Variants in NAV2 observed in about 807,000 individuals in gnomAD.
The protein encoded by NAV2 is helicase, APC down-regulated 1.
In NAV2, 54 loss-of-function variants were observed where a neutral mutation model predicts 223.2. That is an observed-to-expected ratio of 0.24 (90% CI 0.19 to 0.30). The LOEUF (loss-of-function observed/expected upper bound fraction) is 0.30. Among genes scored for constraint, NAV2 ranks in the 10% least tolerant of loss-of-function variants. The probability of loss-of-function intolerance (pLI) is 1.00; values close to 1 mark genes in which losing one functional copy is unlikely to be tolerated. For missense variants in NAV2, 2,806 were observed against 3,147.5 expected (o/e 0.89, Z 2.60); for synonymous variants, 1,279 against 1,239.3 (o/e 1.03, Z -0.67).
At chr11:19,541,577 T>G (rs902290355) in intron 1 of NAV2, among the ~76,000 whole-genome samples, 3 of 152,162 alleles carry the variant, frequency 2.0e-5, no homozygotes, top group African/African-American at 7.2e-5. Flanking sequence ...GTGCCTGTGG[T>G]CTCCTCCTCC....
At chr11:19,666,289 C>CAT in intron 1 of NAV2, among the ~76,000 whole-genome samples, 1 of 152,214 alleles carries the variant, frequency 6.6e-6, no homozygotes. Flanking sequence ...GGGCCCAACA[C>CAT]ATATAATGGA....
chr11:19,668,532 CAA>C (rs762975832), intron 1 of NAV2, among the ~76,000 whole-genome samples: 12 of 64,896 alleles, frequency 1.8e-4, no homozygotes, highest in Admixed American at 1.2e-3. Context: ...GACTCGGTCT[CAA>C]AAAAAAAAAA....
At chr11:19,712,044 G>A (rs1442773272), upstream of NAV2, 1 of 152,222 alleles carries the variant, frequency 6.6e-6, no homozygotes, top group Non-Finnish European at 1.5e-5. Context: ...AGTCAGCGAG[G>A]AAACCACAGA....
At chr11:19,666,765 C>A (rs766285798) in intron 1 of NAV2, among the ~76,000 whole-genome samples, 2 of 152,154 alleles carry the variant, frequency 1.3e-5, no homozygotes, top group African/African-American at 2.4e-5. Context: ...TCCACCTTCA[C>A]GTTTATCTAG....
chr11:20,035,998 C>T lies in NAV2; in HGVS notation c.2808C>T (p.Asp936=). 6.2e-7 allele frequency: 1 copy of T among 1,614,188 alleles called. No individual in the cohort carries two copies. The highest frequency in any genetic ancestry group is 2.2e-5 in the East Asian group (1 of 44,878). Residue 936 remains aspartate, a synonymous_variant, in exon 12 of 38, where the codon GAC becomes GAT. Coordinates refer to ENST00000349880, the MANE Select transcript of NAV2 (RefSeq NM_145117.5). ...GCTCCGTCAGCAGCGGCATCAGCGA[C>T]ACCATAGACAACCTCAGCACTGATG... The part of the protein sequence containing the change: ...DSSSVSSGIS[D]TIDNLSTDDI...
chr11:19,755,421 T>G (rs956458000), intron 1 of NAV2, among the ~76,000 whole-genome samples: 1 of 152,240 alleles, frequency 6.6e-6, no homozygotes, highest in Non-Finnish European at 1.5e-5. Flanking sequence ...GGTTGTGACC[T>G]GTATTTGTTT....
At chr11:19,492,725 A>C (rs1156822136) in intron 1 of NAV2, among the ~76,000 whole-genome samples, 1 of 152,230 alleles carries the variant, frequency 6.6e-6, no homozygotes, top group Non-Finnish European at 1.5e-5. Context: ...CTCCTTTATA[A>C]AAACTTAAAA....
chr11:19,529,712 G>A (rs930624738), intron 1 of NAV2, among the ~76,000 whole-genome samples: 2 of 152,160 alleles, frequency 1.3e-5, no homozygotes, highest in African/African-American at 4.8e-5. Context: ...GGAAGTTGCT[G>A]AGGGAATAGG....
intron 1 of NAV2, among the ~76,000 whole-genome samples, chr11:19,715,686 C>G (rs2050247635): frequency 6.6e-6 from 1 of 152,122 alleles, no homozygotes; most frequent in South Asian, 2.1e-4. Flanking sequence ...ATTCATCACC[C>G]TGTCCGTGAA....
intron 11 of NAV2, among the ~76,000 whole-genome samples, chr11:20,003,483 A>G (rs145022230): frequency 1.6e-4 from 24 of 152,234 alleles, no homozygotes; most frequent in Admixed American, 1.4e-3. Flanking sequence ...AGCCTTCTCC[A>G]TTATCTGAAA....
intron 10 of NAV2, among the ~76,000 whole-genome samples, chr11:19,972,024 G>A (rs1463848376): frequency 2.0e-5 from 3 of 152,166 alleles, no homozygotes; most frequent in Non-Finnish European, 4.4e-5. Context: ...CTTTTTAGAT[G>A]TCATGCCCCA....
chr11:19,951,214 C>T (rs953757164), intron 10 of NAV2, among the ~76,000 whole-genome samples: 2 of 152,080 alleles, frequency 1.3e-5, no homozygotes, highest in Non-Finnish European at 2.9e-5. Flanking sequence ...GATTGAGAGA[C>T]CAGAGGGCAG....
At chr11:20,039,731 T>G (rs2056738577) in intron 12 of NAV2, among the ~76,000 whole-genome samples, 1 of 152,256 alleles carries the variant, frequency 6.6e-6, no homozygotes, top group Non-Finnish European at 1.5e-5. Context: ...GGAGCAAAGA[T>G]GCACACATCA....
At chr11:19,728,266 C>T (rs2051417807) in intron 1 of NAV2, among the ~76,000 whole-genome samples, 1 of 152,126 alleles carries the variant, frequency 6.6e-6, no homozygotes, top group Admixed American at 6.5e-5. Context: ...CTTTCTAGAC[C>T]CTCATTTAGC....
chr11:20,050,243 C>A lies in NAV2; in HGVS notation c.4436+342C>A, dbSNP rs534678863. Among the ~76,000 whole-genome samples, 22 of 152,254 alleles carry A rather than the reference C, an allele frequency of 1.4e-4. No homozygotes were observed. The South Asian group carries it at 3.9e-3, about 27-fold the overall frequency. ...AGCTTCCTTCCCATTCCTTTTGCCA[C>A]CCCCAACCCCAAGCCCAGAAATGAC... On this transcript the variant is annotated intron_variant, in intron 16 of 37. Coordinates refer to ENST00000349880, the MANE Select transcript of NAV2 (RefSeq NM_145117.5).
intron 1 of NAV2, among the ~76,000 whole-genome samples, chr11:19,535,814 C>A: frequency 6.6e-6 from 1 of 152,106 alleles, no homozygotes; most frequent in South Asian, 2.1e-4. Context: ...TCTTGTGGTC[C>A]AAATGAGCCC....
At chr11:19,836,956 A>G (rs1338640207) in intron 2 of NAV2, among the ~76,000 whole-genome samples, 2 of 152,172 alleles carry the variant, frequency 1.3e-5, no homozygotes, top group Non-Finnish European at 2.9e-5. Context: ...AATCCTGTTC[A>G]TGAGATCTTT....
At chr11:20,089,850 G>T (rs2255189) in intron 26 of NAV2, among the ~76,000 whole-genome samples, 7,399 of 152,228 alleles carry the variant, frequency 0.049, 633 homozygotes, top group African/African-American at 0.17. Context: ...TAAGCTAGAA[G>T]AACCACCTCT....
chr11:20,009,771 A>C (rs1003935729), intron 11 of NAV2, among the ~76,000 whole-genome samples: 5 of 151,924 alleles, frequency 3.3e-5, no homozygotes, highest in African/African-American at 1.2e-4. Context: ...AACGCCCCAA[A>C]CCATCCTTTT....
Sources: allele counts gnomAD v4.1 joint callset (sites outside exome capture counted in the v4.1 genomes callset), GRCh38; gene constraint gnomAD v4.1.1; transcripts MANE v1.5; gene names NCBI Gene and HGNC (gene_info 2026-07-23, HGNC 2026-07-21).